Variants in CARM1 observed in about 807,000 individuals in gnomAD.
The protein encoded by CARM1 is histone-arginine methyltransferase CARM1.
Under a neutral mutation model 72.7 loss-of-function variants are expected in CARM1, and 14 were observed. The ratio of observed to expected loss-of-function variants is 0.19; its 90% CI spans 0.13 to 0.30. CARM1 has a LOEUF of 0.30. Among genes scored for constraint, CARM1 ranks in the 10% least tolerant of loss-of-function variants. CARM1 has a pLI of 1.00. For synonymous variants in CARM1, 333 were observed against 345.5 expected (o/e 0.96, Z 0.40); for missense variants, 432 against 833.7 (o/e 0.52, Z 5.93).
chr19:10,885,092 C>T (rs920012982), intron 1 of CARM1, among the ~76,000 whole-genome samples: 3 of 152,176 alleles, frequency 2.0e-5, no homozygotes, highest in Admixed American at 6.5e-5. Context: ...TTATGGACAC[C>T]CATGTCACCA....
chr19:10,885,265 CA>C (rs1054423215), intron 1 of CARM1, among the ~76,000 whole-genome samples: 4 of 152,240 alleles, frequency 2.6e-5, no homozygotes, highest in African/African-American at 9.6e-5. Flanking sequence ...TGTGCCCCCC[CA>C]CCCCTGCCAG....
At chr19:10,910,568 T>TTTTTATTG (rs1275854235) in intron 4 of CARM1, among the ~76,000 whole-genome samples, 1 of 151,902 alleles carries the variant, frequency 6.6e-6, no homozygotes, top group Non-Finnish European at 1.5e-5. Flanking sequence ...TTTTTTTATT[T>TTTTTATTG]TTACTTTTTT....
chr19:10,890,538 G>A (rs2073976123), intron 1 of CARM1, among the ~76,000 whole-genome samples: 1 of 151,184 alleles, frequency 6.6e-6, no homozygotes, highest in Non-Finnish European at 1.5e-5. Flanking sequence ...AAAGTGCTGG[G>A]ATTACAGGTG....
chr19:10,886,502 C>T (rs956260658), intron 1 of CARM1, among the ~76,000 whole-genome samples: 1 of 151,634 alleles, frequency 6.6e-6, no homozygotes, highest in Non-Finnish European at 1.5e-5. Context: ...CGCCCCCTCC[C>T]TCATTTTTAT....
chr19:10,871,846 G>A lies in CARM1; in HGVS notation c.144G>A (p.Gln48=). The A allele has an allele frequency of 1.5e-6, 2 of 1,297,798 alleles. No homozygotes were observed. Among genetic ancestry groups the A allele is most frequent in the Non-Finnish European group, 2.0e-6 (2 of 1,016,734 alleles). The allele number at this position is 1,297,798 out of a possible 1,614,324, so 80.4% of individuals were successfully genotyped here. A position where few individuals can be genotyped will look rare whatever the true frequency, so the allele number is the denominator to read the frequency against. ...LTIGDANGEI[Q]RHAEQQALRL... ...TCGGCGACGCGAACGGCGAGATCCA[G>A]CGGCACGCGGAGCAGCAGGCGCTGC... The change falls in exon 1 of 16, where the codon CAG becomes CAA. Residue 48 remains glutamine, a synonymous_variant. Transcript: ENST00000327064. The surrounding 1 kb of genome is among the most constrained non-coding windows in gnomAD (Gnocchi z 5.6).
At chr19:10,905,150 C>T in intron 2 of CARM1, 74 bp downstream of exon 2, 1 of 1,562,486 alleles carries the variant, frequency 6.4e-7, no homozygotes, top group Admixed American at 1.7e-5. Context: ...GGGCGTAGAG[C>T]CTGGCTGAGG....
intron 1 of CARM1, among the ~76,000 whole-genome samples, chr19:10,886,255 C>T (rs1449005470): frequency 1.3e-5 from 2 of 151,848 alleles, no homozygotes; most frequent in African/African-American, 4.8e-5. Context: ...GGGTTTTCTC[C>T]ATGTTGGTCA....
chr19:10,921,654 G>A lies in CARM1; in HGVS notation c.1724G>A (p.Ser575Asn), dbSNP rs367770418. 1 of 1,613,356 alleles carries A rather than the reference G, an allele frequency of 6.2e-7. No individual in the cohort carries two copies. The highest frequency in any genetic ancestry group is 1.3e-5 in the African/African-American group (1 of 74,932). Residue 575 changes from serine to asparagine, a missense_variant, in exon 16 of 16, where the codon AGT (serine) becomes AAT (asparagine). Around this residue, in one of 3 missense-constraint regions of CARM1, gnomAD observed 142 missense variants for 188.7 expected, o/e 0.75. Coordinates refer to ENST00000327064, the MANE Select transcript of CARM1 (RefSeq NM_199141.2). Reference protein sequence around the residue: ...GAQGSGGGSTSAHYAVNSQFT... With the variant: ...GAQGSGGGSTNAHYAVNSQFT... Reference sequence around the variant, plus strand: ...CAGGGCAGTGGTGGTGGCAGCACGAGTGCCCACTATGCAGTCAACAGCCAG... The same window carrying A: ...CAGGGCAGTGGTGGTGGCAGCACGAATGCCCACTATGCAGTCAACAGCCAG...
intron 1 of CARM1, among the ~76,000 whole-genome samples, chr19:10,891,382 G>A (rs1474745548): frequency 2.0e-5 from 3 of 152,182 alleles, no homozygotes; most frequent in African/African-American, 4.8e-5. Context: ...CACCTGGCTC[G>A]TTTGGGAGGC....
At position 10,912,091 on chromosome 19, in the gene CARM1, C is replaced by T. The variant is rs141537668; in HGVS notation, c.559-93C>T. The T allele has an allele frequency of 8.8e-4, 787 of 896,202 alleles. 7 individuals are homozygous for T. Among genetic ancestry groups the T allele is most frequent in the Middle Eastern group, 5.6e-3 (26 of 4,666 alleles). 55.5% of individuals were successfully genotyped at this position (896,202 alleles called of 1,614,324 possible). On this transcript the variant is annotated intron_variant, in intron 4 of 15. Transcript: ENST00000327064. The surrounding 1 kb of genome is among the most constrained non-coding windows in gnomAD (Gnocchi z 4.5). Reference sequence around the variant, plus strand: ...GGCAAACATTGAGAGTGAAGACAGACGCCTCATGATGTGCACATCCCTTAT... The same window carrying T: ...GGCAAACATTGAGAGTGAAGACAGATGCCTCATGATGTGCACATCCCTTAT...
chr19:10,904,457 C>A (rs2074088373), intron 1 of CARM1, among the ~76,000 whole-genome samples: 1 of 152,222 alleles, frequency 6.6e-6, no homozygotes, highest in African/African-American at 2.4e-5. Flanking sequence ...CGCCATTAGC[C>A]CCATCTGATG....
At chr19:10,918,087 AT>A (rs1356128932) in intron 8 of CARM1, among the ~76,000 whole-genome samples, 1 of 152,094 alleles carries the variant, frequency 6.6e-6, no homozygotes, top group Non-Finnish European at 1.5e-5. Context: ...TATTATGCAA[AT>A]TTTGTATTAT....
chr19:10,893,125 C>T (rs1447990651), intron 1 of CARM1, among the ~76,000 whole-genome samples: 1 of 152,128 alleles, frequency 6.6e-6, no homozygotes, highest in Non-Finnish European at 1.5e-5. Context: ...GCAACCTCTG[C>T]CTCCCAGGTT....
At chr19:10,892,733 A>G (rs1474790229) in intron 1 of CARM1, among the ~76,000 whole-genome samples, 1 of 151,998 alleles carries the variant, frequency 6.6e-6, no homozygotes, top group Non-Finnish European at 1.5e-5. Flanking sequence ...TATTTTATTT[A>G]TATTATTTTA....
intron 1 of CARM1, among the ~76,000 whole-genome samples, chr19:10,888,040 C>T (rs1049385807): frequency 4.6e-5 from 7 of 152,226 alleles, no homozygotes; most frequent in Admixed American, 2.6e-4. Context: ...CTTCTTGCCG[C>T]TCCATGACAC....
intron 1 of CARM1, among the ~76,000 whole-genome samples, chr19:10,876,698 G>T (rs1057040886): frequency 6.6e-6 from 1 of 152,252 alleles, no homozygotes; most frequent in Non-Finnish European, 1.5e-5. Flanking sequence ...CTGTGCAGAG[G>T]GGGAGGCCCT....
chr19:10,882,564 C>G (rs946102613), intron 1 of CARM1, among the ~76,000 whole-genome samples: 1 of 106,546 alleles, frequency 9.4e-6, no homozygotes, highest in African/African-American at 3.6e-5. Flanking sequence ...TTTTTTGAGA[C>G]AGGGTCTCAC....
chr19:10,923,038 T>A lies in CARM1; in HGVS notation c.*1281T>A. ...CTTTATATAAATTCTCTGAATCACC[T>A]TTGCATAGAAAATAAAAGTGTTTGC... is the stretch of plus-strand genomic sequence containing the variant. On this transcript the variant is annotated 3_prime_UTR_variant, in exon 16 of 16. Transcript: ENST00000327064. 1 of 437,220 alleles carries A rather than the reference T, an allele frequency of 2.3e-6. No homozygotes were observed. The allele number at this position is 437,220 out of a possible 1,614,324, so 27.1% of individuals were successfully genotyped here. A position where few individuals can be genotyped will look rare whatever the true frequency, so the allele number is the denominator to read the frequency against.
rs1476458488 is a variant in CARM1, at chr19:10,912,144, G to A, written c.559-40G>A. ...TCACTGTCACCTCCCCATCACCGTCGCCTCCTATGTCTCGCTCTCACCTCC... is the reference window on the plus strand; with the variant it reads ...TCACTGTCACCTCCCCATCACCGTCACCTCCTATGTCTCGCTCTCACCTCC... On this transcript the variant is annotated intron_variant, in intron 4 of 15. Transcript: ENST00000327064. The surrounding 1 kb of genome is among the most constrained non-coding windows in gnomAD (Gnocchi z 4.5). 6 of 1,445,334 alleles carry A rather than the reference G, an allele frequency of 4.2e-6. No homozygotes were observed. The highest frequency in any genetic ancestry group is 2.3e-5 in the East Asian group (1 of 44,108). The allele number at this position is 1,445,334 out of a possible 1,614,324, so 89.5% of individuals were successfully genotyped here.
Sources: gnomAD v4.1 joint callset for allele counts (sites outside exome capture counted in the v4.1 genomes callset) on GRCh38, gnomAD v4.1.1 for gene constraint, gnomAD v4.1.1 regional missense constraint, Gnocchi (gnomAD v3.1) non-coding constraint, MANE v1.5 for transcripts, NCBI Gene and HGNC (gene_info 2026-07-23, HGNC 2026-07-21) for gene names.